HACD4: variants seen among roughly 807,000 people sequenced by gnomAD.
The protein encoded by HACD4 is 3-hydroxyacyl-CoA dehydratase 4.
In HACD4, 35 loss-of-function variants were observed where a neutral mutation model predicts 33.3. The observed-to-expected ratio is 1.05, with a 90% CI of 0.80 to 1.39. The LOEUF (loss-of-function observed/expected upper bound fraction) is 1.39. Ranked by LOEUF, HACD4 falls within the 40% of genes most tolerant of loss-of-function variation. The probability of loss-of-function intolerance (pLI) is 0.00; values close to 1 mark genes in which losing one functional copy is unlikely to be tolerated. For synonymous variants in HACD4, 118 were observed against 98.0 expected (o/e 1.20, Z -1.21); for missense variants, 323 against 276.5 (o/e 1.17, Z -1.19).
intron 3 of HACD4, among the ~76,000 whole-genome samples, chr9:21,020,314 A>C (rs772208518): frequency 6.6e-6 from 1 of 152,152 alleles, no homozygotes; most frequent in Non-Finnish European, 1.5e-5. Context: ...TTTCTCAAAA[A>C]GTGATGGAGT....
chr9:21,017,295 C>T (rs1041734965), intron 3 of HACD4, among the ~76,000 whole-genome samples: 3 of 152,008 alleles, frequency 2.0e-5, no homozygotes, highest in South Asian at 2.1e-4. Flanking sequence ...AGCATGTTTA[C>T]GACATGACTA....
At position 21,000,409 on chromosome 9, in the gene HACD4, T is replaced by G. The variant is rs941984436; in HGVS notation, c.*6628A>C. The G allele has an allele frequency of 4.6e-5, 7 of 152,140 alleles. No homozygotes were observed. The highest frequency in any genetic ancestry group is 1.0e-4 in the Non-Finnish European group (7 of 68,008). 9.4% of individuals were successfully genotyped at this position (152,140 alleles called of 1,614,324 possible). On this transcript the variant is annotated 3_prime_UTR_variant, in exon 7 of 7. Transcript: ENST00000495827. ...TGTCCAAAGCTGAAATAATTTAGAC[T>G]CAAAAGCAGTGGTTCTCAAACTTTT... is the stretch of plus-strand genomic sequence containing the variant.
rs751789004 is a variant in HACD4, at chr9:21,011,662, T to A, written c.417A>T (p.Ile139=). The change falls in exon 5 of 7, where the codon ATA becomes ATT. Residue 139 remains isoleucine, a synonymous_variant. Transcript: ENST00000495827. ...YTYSMLSVIG[I]SYAVLTWLSQ... ...TGAGCCATGTCAAGACAGCATAGGA[T>A]ATTCCTATGACTGATAACATGCTAT... The A allele has an allele frequency of 1.1e-5, 18 of 1,604,376 alleles. No homozygotes were observed. In the Admixed American group the frequency reaches 3.0e-4, roughly 27 times the overall value.
At position 21,004,797 on chromosome 9, in the gene HACD4, G is replaced by C. The variant is rs569984076; in HGVS notation, c.*2240C>G. ...TATATAAAGATGTGGAAGCAGCTTT[G>C]ACGTTAGGTAACAGATAGAAGCTGG... On this transcript the variant is annotated 3_prime_UTR_variant, in exon 7 of 7. Transcript: ENST00000495827. The surrounding 1 kb of genome is among the most constrained non-coding windows in gnomAD (Gnocchi z 4.6). 6.6e-6 allele frequency: 1 copy of C among 152,342 alleles called. No homozygotes were observed. Among genetic ancestry groups the C allele is most frequent in the Admixed American group, 6.5e-5 (1 of 15,292 alleles). 9.4% of individuals were successfully genotyped at this position (152,342 alleles called of 1,614,324 possible). A position where few individuals can be genotyped will look rare whatever the true frequency, so the allele number is the denominator to read the frequency against.
intron 3 of HACD4, 76 bp downstream of exon 3, chr9:21,026,519 TA>T: frequency 8.0e-7 from 1 of 1,245,850 alleles, no homozygotes; most frequent in Non-Finnish European, 1.1e-6. Flanking sequence ...CTAACTGCCA[TA>T]AAGTCAAGAG....
Position 21,018,942 on chromosome 9 carries a change from C to T in HACD4, c.271-2932G>A, listed in dbSNP as rs144567822. 5.5e-4 allele frequency among the ~76,000 whole-genome samples: 84 copies of T among 152,164 alleles called. 2 individuals are homozygous for T. The highest frequency in any genetic ancestry group is 1.9e-3 in the African/African-American group (79 of 41,528). On this transcript the variant is annotated intron_variant, in intron 3 of 6. Coordinates refer to ENST00000495827, the MANE Select transcript of HACD4 (RefSeq NM_001010915.5). ...GAGGGTAAAAATGATACTTCAACTA[C>T]AGGAAAAATTAATTTCTAGAATCTT...
At chr9:21,021,953 G>A (rs9777591) in intron 3 of HACD4, among the ~76,000 whole-genome samples, 43,497 of 151,940 alleles carry the variant, frequency 0.29, 6,539 homozygotes, top group East Asian at 0.51. Flanking sequence ...CAAAGCTAGA[G>A]GCATCACGCT....
At chr9:21,008,418 T>C (rs1271404884) in intron 5 of HACD4, among the ~76,000 whole-genome samples, 1 of 152,150 alleles carries the variant, frequency 6.6e-6, no homozygotes, top group African/African-American at 2.4e-5. Flanking sequence ...TAAAATGTTA[T>C]CTCAAAATAC....
At chr9:21,016,484 G>C (rs959472558) in intron 3 of HACD4, among the ~76,000 whole-genome samples, 3 of 152,194 alleles carry the variant, frequency 2.0e-5, no homozygotes, top group Admixed American at 2.0e-4. Flanking sequence ...GATTAATGAA[G>C]ACATGCTACA....
chr9:20,999,962 T>C lies in HACD4; in HGVS notation c.*7075A>G, dbSNP rs990055204. ...TTAATTTACCATATGTCATTTAGTC[T>C]TCATAATAACTTTAAGTGGTTAAGG... On this transcript the variant is annotated 3_prime_UTR_variant, in exon 7 of 7. Transcript: ENST00000495827. 5 of 152,200 alleles carry C rather than the reference T, an allele frequency of 3.3e-5. No individual in the cohort carries two copies. The highest frequency in any genetic ancestry group is 3.3e-4 in the Admixed American group (5 of 15,278). 9.4% of individuals were successfully genotyped at this position (152,200 alleles called of 1,614,324 possible). A position where few individuals can be genotyped will look rare whatever the true frequency, so the allele number is the denominator to read the frequency against.
At chr9:21,027,516 G>T (rs147563911) in intron 2 of HACD4, among the ~76,000 whole-genome samples, 1 of 152,032 alleles carries the variant, frequency 6.6e-6, no homozygotes, top group African/African-American at 2.4e-5. Flanking sequence ...TTCTCTTCTC[G>T]GCAGCTCCAC....
At position 21,029,164 on chromosome 9, in the gene HACD4, T is replaced by A. The variant is rs937483617; in HGVS notation, c.142+131A>T. The A allele has an allele frequency of 5.1e-6, 3 of 583,138 alleles. No homozygotes were observed. In the South Asian group the frequency reaches 6.6e-5, roughly 13 times the overall value. 36.1% of individuals were successfully genotyped at this position (583,138 alleles called of 1,614,324 possible). A position where few individuals can be genotyped will look rare whatever the true frequency, so the allele number is the denominator to read the frequency against. ...CCCCAAGAAGGTTTTGCAATAAACA[T>A]GGTTGCTAAAAAATACAAATTTTAG... is the stretch of plus-strand genomic sequence containing the variant. On this transcript the variant is annotated intron_variant, in intron 2 of 6. Transcript: ENST00000495827.
At chr9:21,020,681 T>G (rs1343428224) in intron 3 of HACD4, among the ~76,000 whole-genome samples, 1 of 152,212 alleles carries the variant, frequency 6.6e-6, no homozygotes, top group East Asian at 1.9e-4. Context: ...TCTTTTATGC[T>G]TCTTTTGGAC....
Position 21,031,611 on chromosome 9 carries a change from T to C in HACD4, c.-21A>G, listed in dbSNP as rs1394098950. Reference sequence around the variant, plus strand: ...CCCATGGGCCGCCGCCGCCAGGGCTTCCAGCGCGGTCCAGGAAGGAGTACC... The same window carrying C: ...CCCATGGGCCGCCGCCGCCAGGGCTCCCAGCGCGGTCCAGGAAGGAGTACC... On this transcript the variant is annotated 5_prime_UTR_variant, in exon 1 of 7. Coordinates refer to ENST00000495827, the MANE Select transcript of HACD4 (RefSeq NM_001010915.5). 1.4e-6 allele frequency: 2 copies of C among 1,412,532 alleles called. No homozygotes were observed. Among genetic ancestry groups the C allele is most frequent in the South Asian group, 1.5e-5 (1 of 66,946 alleles). 87.5% of individuals were successfully genotyped at this position (1,412,532 alleles called of 1,614,324 possible).
chr9:21,007,168 C>A (rs1031047076), intron 6 of HACD4, 49 bp from the exon 7 acceptor site: 2 of 954,152 alleles, frequency 2.1e-6, no homozygotes, highest in Non-Finnish European at 1.7e-6. Flanking sequence ...AACTATTTCT[C>A]TGGAAGAAAC....
intron 2 of HACD4, among the ~76,000 whole-genome samples, chr9:21,027,521 C>G (rs1818093308): frequency 6.6e-6 from 1 of 152,182 alleles, no homozygotes; most frequent in Admixed American, 6.5e-5. Flanking sequence ...TTCTCGGCAG[C>G]TCCACAAGAT....
intron 4 of HACD4, among the ~76,000 whole-genome samples, chr9:21,014,852 C>T (rs1842519007): frequency 1.3e-5 from 2 of 152,162 alleles, no homozygotes; most frequent in South Asian, 4.1e-4. Context: ...TGACAGCATG[C>T]TACTTCTTTC....
intron 3 of HACD4, among the ~76,000 whole-genome samples, chr9:21,024,911 C>T (rs998899332): frequency 3.3e-5 from 5 of 152,152 alleles, no homozygotes; most frequent in African/African-American, 9.7e-5. Context: ...TTTTATTTAA[C>T]GTTAGTTGTT....
At chr9:21,031,456 G>A (rs970463026) in intron 1 of HACD4, 97 bp downstream of exon 1, 87 of 1,344,096 alleles carry the variant, frequency 6.5e-5, no homozygotes, top group Non-Finnish European at 7.9e-5. Context: ...GCTGGCGGGC[G>A]GGGGGTGCCG....
Sources: allele counts gnomAD v4.1 joint callset (sites outside exome capture counted in the v4.1 genomes callset), GRCh38; gene constraint gnomAD v4.1.1; non-coding constraint Gnocchi (gnomAD v3.1); transcripts MANE v1.5; gene names NCBI Gene and HGNC (gene_info 2026-07-23, HGNC 2026-07-21).